The following KAZN variants were observed in gnomAD, a reference collection of about 807,000 sequenced individuals.
KAZN encodes kazrin.
In KAZN, 40 loss-of-function variants were observed where a neutral mutation model predicts 87.4. That is an observed-to-expected ratio of 0.46 (90% CI 0.36 to 0.60). The LOEUF is 0.60. KAZN is among the 20% of genes least tolerant of loss of function. The pLI is 0.00. For missense variants in KAZN, 898 were observed against 1,073.9 expected (o/e 0.84, Z 2.29); for synonymous variants, 466 against 458.3 (o/e 1.02, Z -0.22).
At chr1:14,902,589 A>G (rs1395533798) in intron 1 of KAZN, among the ~76,000 whole-genome samples, 1 of 152,078 alleles carries the variant, frequency 6.6e-6, no homozygotes, top group African/African-American at 2.4e-5. Context: ...ATTCAGCTAG[A>G]GCCAGAAAAA....
chr1:13,933,501 A>T (rs1048042438), intron 1 of KAZN, among the ~76,000 whole-genome samples: 9 of 152,132 alleles, frequency 5.9e-5, no homozygotes, highest in African/African-American at 2.2e-4. Context: ...CCCCCCAAAA[A>T]ATATTAATCA....
intron 1 of KAZN, among the ~76,000 whole-genome samples, chr1:14,954,819 G>C (rs1449005748): frequency 6.6e-6 from 1 of 152,182 alleles, no homozygotes; most frequent in Non-Finnish European, 1.5e-5. Context: ...AGCTGGGCGT[G>C]GTGGCAGGCG....
intron 1 of KAZN, among the ~76,000 whole-genome samples, chr1:14,019,775 C>G (rs1640737729): frequency 6.6e-6 from 1 of 152,106 alleles, no homozygotes; most frequent in Non-Finnish European, 1.5e-5. Context: ...TGTCCCCAGG[C>G]TATTAAAACT....
At position 14,766,465 on chromosome 1, in the gene KAZN, G is replaced by A. The variant is rs61772269; in HGVS notation, c.226+167242G>A. Among the ~76,000 whole-genome samples the A allele has an allele frequency of 1.1e-3, 171 of 151,982 alleles. 1 individual carries two copies. The highest frequency in any genetic ancestry group is 2.0e-3 in the Admixed American group (30 of 15,262). Reference sequence around the variant, plus strand: ...GCCTGGAAGCCAGGGAAGAGATGCCGGCTGGCACACTGCAGGAAGAGAAAA... The same window carrying A: ...GCCTGGAAGCCAGGGAAGAGATGCCAGCTGGCACACTGCAGGAAGAGAAAA... On this transcript the variant is annotated intron_variant, in intron 1 of 14. Transcript: ENST00000376030.
intron 2 of KAZN, among the ~76,000 whole-genome samples, chr1:14,971,490 A>G (rs1187977851): frequency 2.6e-5 from 4 of 152,220 alleles, no homozygotes; most frequent in East Asian, 3.9e-4. Flanking sequence ...CTGTTTTCCA[A>G]ACTGATTTTC....
At chr1:15,048,709 G>A (rs200969310) in intron 4 of KAZN, among the ~76,000 whole-genome samples, 26 of 139,666 alleles carry the variant, frequency 1.9e-4, no homozygotes, top group Admixed American at 7.6e-4. Context: ...ATCCTTGGTC[G>A]TTGGTCCTGG....
chr1:14,505,321 G>A (rs545158653), intron 2 of KAZN, among the ~76,000 whole-genome samples: 1 of 152,302 alleles, frequency 6.6e-6, no homozygotes, highest in African/African-American at 2.4e-5. Flanking sequence ...TGGATGGAAG[G>A]AGGAAAGGGC....
chr1:14,568,867 C>A (rs549687403), intron 2 of KAZN, among the ~76,000 whole-genome samples: 1 of 152,224 alleles, frequency 6.6e-6, no homozygotes, highest in Non-Finnish European at 1.5e-5. Flanking sequence ...GTCTCCCCCA[C>A]CAGATTCCGA....
chr1:14,588,741 C>T (rs1168837310), intron 2 of KAZN, among the ~76,000 whole-genome samples: 1 of 152,202 alleles, frequency 6.6e-6, no homozygotes, highest in Non-Finnish European at 1.5e-5. Flanking sequence ...TCTTTTCTTC[C>T]CCAAAGCTGC....
intron 2 of KAZN, among the ~76,000 whole-genome samples, chr1:14,968,076 A>C (rs1160199860): frequency 6.6e-6 from 1 of 152,120 alleles, no homozygotes; most frequent in East Asian, 1.9e-4. Context: ...TTATTATTAC[A>C]TTGTAATATA....
chr1:14,775,025 G>A (rs1645135857), intron 1 of KAZN, among the ~76,000 whole-genome samples: 1 of 152,304 alleles, frequency 6.6e-6, no homozygotes, highest in Non-Finnish European at 1.5e-5. Context: ...AGATCCTGGA[G>A]AGAGCAGCTG....
At chr1:14,546,679 C>T (rs1328702178) in intron 2 of KAZN, among the ~76,000 whole-genome samples, 1 of 152,150 alleles carries the variant, frequency 6.6e-6, no homozygotes, top group Non-Finnish European at 1.5e-5. Flanking sequence ...CACTTTATCA[C>T]TCTTGTTGCT....
chr1:14,882,668 C>A (rs1247360629), intron 1 of KAZN, among the ~76,000 whole-genome samples: 2 of 152,192 alleles, frequency 1.3e-5, no homozygotes, highest in Non-Finnish European at 2.9e-5. Flanking sequence ...TACAGCTCCT[C>A]CCTTCTTCTC....
chr1:15,060,476 A>C, intron 6 of KAZN, 174 bp downstream of exon 6: 1 of 881,338 alleles, frequency 1.1e-6, no homozygotes, highest in African/African-American at 1.7e-5. Context: ...GGATGTGGGG[A>C]GAAAAAGGAA....
At chr1:14,587,499 G>C (rs973552261) in intron 2 of KAZN, among the ~76,000 whole-genome samples, 3 of 151,932 alleles carry the variant, frequency 2.0e-5, no homozygotes, top group Admixed American at 6.6e-5. Flanking sequence ...GGCTGTACAG[G>C]AAGTGTGGTG....
intron 2 of KAZN, among the ~76,000 whole-genome samples, chr1:14,554,400 C>A (rs1027551754): frequency 2.0e-5 from 3 of 152,296 alleles, no homozygotes; most frequent in African/African-American, 7.2e-5. Flanking sequence ...TGGGTTCACA[C>A]CCAGATGCAT....
At chr1:14,479,659 C>A (rs1428347011) in intron 2 of KAZN, among the ~76,000 whole-genome samples, 3 of 152,306 alleles carry the variant, frequency 2.0e-5, no homozygotes, top group Middle Eastern at 6.8e-3. Flanking sequence ...ATATTTCTAT[C>A]ATCGCTCCTA....
At chr1:15,101,853 T>C in intron 11 of KAZN, 79 bp downstream of exon 11, 1 of 874,686 alleles carries the variant, frequency 1.1e-6, no homozygotes, top group Non-Finnish European at 1.8e-6. Flanking sequence ...TGTTCATCTG[T>C]CCACCCACTA....
At chr1:14,200,701 G>T (rs754590259) in intron 2 of KAZN, among the ~76,000 whole-genome samples, 7 of 152,094 alleles carry the variant, frequency 4.6e-5, no homozygotes, top group African/African-American at 7.2e-5. Flanking sequence ...CATATATCTT[G>T]TCCTGTATTC....
Sources: allele counts gnomAD v4.1 joint callset (sites outside exome capture counted in the v4.1 genomes callset), GRCh38; gene constraint gnomAD v4.1.1; transcripts MANE v1.5; gene names NCBI Gene and HGNC (gene_info 2026-07-23, HGNC 2026-07-21).